Variants in GALNT13 observed in about 807,000 individuals in gnomAD.
The protein encoded by GALNT13 is polypeptide N-acetylgalactosaminyltransferase 13.
GALNT13 carries 28 observed loss-of-function variants against 64.2 expected under a neutral mutation model. The ratio of observed to expected loss-of-function variants is 0.44; its 90% CI spans 0.32 to 0.60. The LOEUF is 0.60. GALNT13 is among the 20% of genes least tolerant of loss of function. The pLI is 0.05. For missense variants in GALNT13, 577 were observed against 669.8 expected (o/e 0.86, Z 1.53); for synonymous variants, 214 against 224.6 (o/e 0.95, Z 0.42).
At chr2:153,532,734 G>T in the GALNT13 span, among the ~76,000 whole-genome samples, 1 of 152,214 alleles carries the variant, frequency 6.6e-6, no homozygotes, top group East Asian at 1.9e-4. Flanking sequence ...TAAACACTTT[G>T]TGCTTAGAAA....
chr2:153,999,020 G>T (rs1484963640), intron 3 of GALNT13, among the ~76,000 whole-genome samples: 10 of 152,062 alleles, frequency 6.6e-5, no homozygotes, highest in African/African-American at 2.4e-4. Context: ...AGCTACCATT[G>T]ACTTTCTTCA....
At chr2:154,447,982 T>C (rs1055737180) in intron 12 of GALNT13, among the ~76,000 whole-genome samples, 1 of 151,952 alleles carries the variant, frequency 6.6e-6, no homozygotes, top group African/African-American at 2.4e-5. Context: ...ATAGGAGAAA[T>C]TGGAGCAGTT....
At chr2:154,292,955 ATAGAG>A (rs1291905508) in intron 8 of GALNT13, among the ~76,000 whole-genome samples, 1 of 152,192 alleles carries the variant, frequency 6.6e-6, no homozygotes, top group East Asian at 1.9e-4. Flanking sequence ...AGCAGGGGAA[ATAGAG>A]TAGATAATCA....
chr2:154,094,049 A>T (rs1701953910), intron 3 of GALNT13, among the ~76,000 whole-genome samples: 1 of 151,920 alleles, frequency 6.6e-6, no homozygotes, highest in Non-Finnish European at 1.5e-5. Context: ...TTTTCACAAG[A>T]TACTGCATAG....
chr2:153,099,277 C>G, the GALNT13 span, among the ~76,000 whole-genome samples: 1 of 152,098 alleles, frequency 6.6e-6, no homozygotes, highest in African/African-American at 2.4e-5. Flanking sequence ...AATTCCTGAT[C>G]TGGCTTTTCA....
At chr2:153,326,419 T>C in the GALNT13 span, among the ~76,000 whole-genome samples, 106 of 151,986 alleles carry the variant, frequency 7.0e-4, 1 homozygote, top group East Asian at 0.019. Flanking sequence ...CAACACACGA[T>C]GGTTCCTGAC....
chr2:154,364,726 C>T (rs1226160721), intron 9 of GALNT13, among the ~76,000 whole-genome samples: 1 of 152,052 alleles, frequency 6.6e-6, no homozygotes, highest in Non-Finnish European at 1.5e-5. Context: ...GGCTGGAATG[C>T]GATGGCGCGA....
chr2:153,686,281 T>A, the GALNT13 span, among the ~76,000 whole-genome samples: 2 of 152,216 alleles, frequency 1.3e-5, no homozygotes, highest in East Asian at 3.9e-4. Context: ...TCGAGGAGCA[T>A]GGAAAGTTTT....
the GALNT13 span, among the ~76,000 whole-genome samples, chr2:153,458,055 C>T: frequency 6.6e-6 from 1 of 152,154 alleles, no homozygotes; most frequent in African/African-American, 2.4e-5. Context: ...CTAGACAGAA[C>T]TACTATAAGT....
the GALNT13 span, among the ~76,000 whole-genome samples, chr2:153,398,093 C>A: frequency 2.2e-5 from 3 of 138,164 alleles, no homozygotes; most frequent in African/African-American, 8.1e-5. Context: ...CCACAACAGT[C>A]CCCAGAGTGT....
the GALNT13 span, among the ~76,000 whole-genome samples, chr2:153,252,132 GT>G: frequency 6.8e-6 from 1 of 147,432 alleles, no homozygotes. Flanking sequence ...TCCAGCACCT[GT>G]TGTTTCCTGA....
intron 3 of GALNT13, among the ~76,000 whole-genome samples, chr2:154,084,692 A>G (rs968590258): frequency 6.6e-6 from 1 of 151,950 alleles, no homozygotes; most frequent in Non-Finnish European, 1.5e-5. Flanking sequence ...CCCAGGTAAG[A>G]TTTCATGCTA....
the GALNT13 span, among the ~76,000 whole-genome samples, chr2:153,731,158 G>A: frequency 0.86 from 130,888 of 151,732 alleles, 57,354 homozygotes; most frequent in African/African-American, 0.9. Flanking sequence ...TTTCACATAT[G>A]TGATGTATTA....
At chr2:153,258,734 C>G in the GALNT13 span, among the ~76,000 whole-genome samples, 1 of 152,120 alleles carries the variant, frequency 6.6e-6, no homozygotes, top group Non-Finnish European at 1.5e-5. Flanking sequence ...CATTCAGGAG[C>G]ATATTGTTTA....
chr2:153,567,305 G>A, the GALNT13 span, among the ~76,000 whole-genome samples: 1 of 152,216 alleles, frequency 6.6e-6, no homozygotes, highest in Non-Finnish European at 1.5e-5. Flanking sequence ...ACTGAAGTTG[G>A]AATGCTCTTC....
chr2:153,317,076 C>T, the GALNT13 span, among the ~76,000 whole-genome samples: 1 of 152,130 alleles, frequency 6.6e-6, no homozygotes, highest in Non-Finnish European at 1.5e-5. Context: ...TTTTCTCTCA[C>T]TTTTAAGGTT....
intron 3 of GALNT13, among the ~76,000 whole-genome samples, chr2:154,117,798 G>C (rs1021259218): frequency 6.6e-6 from 1 of 152,146 alleles, no homozygotes; most frequent in East Asian, 1.9e-4. Context: ...GTAAGAGAAA[G>C]AAACTGGATC....
At position 154,317,199 on chromosome 2, in the gene GALNT13, C is replaced by T. The variant is rs113395561; in HGVS notation, c.1156+15610C>T. Among the ~76,000 whole-genome samples the T allele has an allele frequency of 2.1e-3, 282 of 131,400 alleles. 1 individual carries two copies. Among genetic ancestry groups the T allele is most frequent in the African/African-American group, 6.8e-3 (238 of 34,872 alleles). 86.2% of individuals were successfully genotyped at this position (131,400 alleles called of 152,430 possible). A position where few individuals can be genotyped will look rare whatever the true frequency, so the allele number is the denominator to read the frequency against. The stretch of plus-strand genomic sequence containing the variant: ...CTGTACTCCAGCGTGAGTGACAAAG[C>T]GAGACATCTCAAAAAAAAAAAAAAA... On this transcript the variant is annotated intron_variant, in intron 9 of 12. Transcript: ENST00000392825.
At chr2:153,522,690 C>T in the GALNT13 span, among the ~76,000 whole-genome samples, 1 of 152,022 alleles carries the variant, frequency 6.6e-6, no homozygotes, top group Admixed American at 6.5e-5. Context: ...AGATATTTGG[C>T]CCCCTTTTTA....
Sources: allele counts gnomAD v4.1 joint callset (sites outside exome capture counted in the v4.1 genomes callset), GRCh38; gene constraint gnomAD v4.1.1; transcripts MANE v1.5; gene names NCBI Gene and HGNC (gene_info 2026-07-23, HGNC 2026-07-21).